Variants in MACROD2 observed in about 807,000 individuals in gnomAD.
MACROD2 encodes ADP-ribose glycohydrolase MACROD2.
MACROD2 carries 36 observed loss-of-function variants against 70.4 expected under a neutral mutation model. The ratio of observed to expected loss-of-function variants is 0.51; its 90% CI spans 0.39 to 0.68. The LOEUF is 0.68. Ranked by LOEUF, MACROD2 falls within the 30% of genes least tolerant of loss-of-function variation. The probability of loss-of-function intolerance (pLI) is 0.00; values close to 1 mark genes in which losing one functional copy is unlikely to be tolerated. For synonymous variants in MACROD2, 172 were observed against 178.8 expected (o/e 0.96, Z 0.30); for missense variants, 496 against 538.4 (o/e 0.92, Z 0.78).
At chr20:15,602,142 C>T (rs1167715492) in intron 8 of MACROD2, among the ~76,000 whole-genome samples, 1 of 152,138 alleles carries the variant, frequency 6.6e-6, no homozygotes, top group Non-Finnish European at 1.5e-5. Flanking sequence ...AATGTAGACC[C>T]CAACCTCCTG....
At chr20:15,774,777 A>G (rs2051693766) in intron 8 of MACROD2, among the ~76,000 whole-genome samples, 1 of 151,816 alleles carries the variant, frequency 6.6e-6, no homozygotes, top group Admixed American at 6.6e-5. Context: ...TGACAGCAGT[A>G]GTATTTCCCC....
chr20:15,604,485 G>A (rs904379110), intron 8 of MACROD2, among the ~76,000 whole-genome samples: 3 of 152,352 alleles, frequency 2.0e-5, no homozygotes, highest in Admixed American at 6.5e-5. Context: ...GATTTGAGAA[G>A]CACAGAGCTC....
chr20:14,420,913 G>A (rs1372885673), intron 3 of MACROD2, among the ~76,000 whole-genome samples: 2 of 152,026 alleles, frequency 1.3e-5, no homozygotes, highest in East Asian at 1.9e-4. Flanking sequence ...GGCTGGTCTC[G>A]AGCTCCTGGG....
At chr20:14,945,869 C>G (rs1258453900) in intron 5 of MACROD2, among the ~76,000 whole-genome samples, 1 of 152,080 alleles carries the variant, frequency 6.6e-6, no homozygotes, top group Non-Finnish European at 1.5e-5. Flanking sequence ...GTTATTGATA[C>G]TCTAATTATT....
At chr20:15,576,311 G>A (rs989816479) in intron 8 of MACROD2, among the ~76,000 whole-genome samples, 1 of 152,030 alleles carries the variant, frequency 6.6e-6, no homozygotes, top group Non-Finnish European at 1.5e-5. Context: ...GGCAACTCCT[G>A]ATGGAGCTTT....
rs1361910831 is a variant in MACROD2, at chr20:15,743,243, A to G, written c.646-119502A>G. ...AGAATAGAATCCCCACGAGGATCTC[A>G]GATAACATCAGCCTTACCCATGTGT... On this transcript the variant is annotated intron_variant, in intron 8 of 17. Coordinates refer to ENST00000684519, the MANE Select transcript of MACROD2 (RefSeq NM_001351661.2). Among the ~76,000 whole-genome samples the G allele has an allele frequency of 2.0e-5, 3 of 152,174 alleles. No individual in the cohort carries two copies. The East Asian group carries it at 5.8e-4, about 29-fold the overall frequency.
At chr20:14,866,225 C>T (rs2073426281) in intron 5 of MACROD2, among the ~76,000 whole-genome samples, 1 of 152,238 alleles carries the variant, frequency 6.6e-6, no homozygotes, top group East Asian at 1.9e-4. Flanking sequence ...ACAAGGTGAA[C>T]TTAACTGGAT....
intron 5 of MACROD2, among the ~76,000 whole-genome samples, chr20:14,949,495 A>G (rs564164150): frequency 6.6e-6 from 1 of 152,274 alleles, no homozygotes; most frequent in African/African-American, 2.4e-5. Context: ...GATTTGATGG[A>G]TTTTCAGACA....
intron 10 of MACROD2, among the ~76,000 whole-genome samples, chr20:15,918,497 G>GTA: frequency 1.3e-5 from 2 of 151,980 alleles, no homozygotes; most frequent in South Asian, 4.1e-4. Flanking sequence ...ATTATTTGGG[G>GTA]GTTTTCATAA....
intron 15 of MACROD2, among the ~76,000 whole-genome samples, chr20:15,995,378 C>G (rs1245773919): frequency 6.7e-6 from 1 of 149,822 alleles, no homozygotes; most frequent in Non-Finnish European, 1.5e-5. Context: ...GAGATGGAGT[C>G]TCGCTCTGTC....
At chr20:15,507,404 T>C (rs116571912) in intron 8 of MACROD2, among the ~76,000 whole-genome samples, 76 of 111,844 alleles carry the variant, frequency 6.8e-4, no homozygotes, top group African/African-American at 6.5e-4. Context: ...TCCTTCCTTC[T>C]TTCTTTCTCT....
Position 14,559,520 on chromosome 20 carries a change from G to A in MACROD2, c.301+66012G>A, listed in dbSNP as rs1979285931. On this transcript the variant is annotated intron_variant, in intron 4 of 17. Transcript: ENST00000684519. ...TTATATACTCGAATTCCTATTACTCGATGCTTCAAGCATTATCTTTTAACC... is the reference window on the plus strand; with the variant it reads ...TTATATACTCGAATTCCTATTACTCAATGCTTCAAGCATTATCTTTTAACC... Among the ~76,000 whole-genome samples, 4 of 151,504 alleles carry A rather than the reference G, an allele frequency of 2.6e-5. No homozygotes were observed. In the South Asian group the frequency reaches 8.3e-4, roughly 32 times the overall value.
chr20:14,147,658 G>C (rs2054959299), intron 3 of MACROD2, among the ~76,000 whole-genome samples: 1 of 152,100 alleles, frequency 6.6e-6, no homozygotes, highest in Non-Finnish European at 1.5e-5. Flanking sequence ...AGTAAATTTA[G>C]ATAGAAAAGC....
intron 10 of MACROD2, among the ~76,000 whole-genome samples, chr20:15,897,218 G>A (rs2064986263): frequency 6.6e-6 from 1 of 152,018 alleles, no homozygotes; most frequent in African/African-American, 2.4e-5. Context: ...GAGATTGATG[G>A]TTATTTTCTT....
chr20:14,139,946 T>C (rs1446548987), intron 3 of MACROD2, among the ~76,000 whole-genome samples: 1 of 152,202 alleles, frequency 6.6e-6, no homozygotes, highest in East Asian at 1.9e-4. Context: ...AGGCTTTGTT[T>C]ATAAGGTATA....
chr20:15,947,621 T>C (rs1265626230), intron 12 of MACROD2, among the ~76,000 whole-genome samples: 2 of 152,086 alleles, frequency 1.3e-5, no homozygotes, highest in African/African-American at 4.8e-5. Flanking sequence ...CCTTTCTACA[T>C]AGACACAGTA....
intron 13 of MACROD2, among the ~76,000 whole-genome samples, chr20:15,970,963 A>C (rs994262717): frequency 7.2e-5 from 11 of 152,212 alleles, no homozygotes; most frequent in African/African-American, 2.7e-4. Flanking sequence ...AAGGATCAGA[A>C]TATTTCTGAG....
At chr20:15,012,739 C>T (rs1035546140) in intron 5 of MACROD2, among the ~76,000 whole-genome samples, 6 of 152,028 alleles carry the variant, frequency 3.9e-5, no homozygotes, top group African/African-American at 7.3e-5. Context: ...CCCCATTTCC[C>T]GGTCTCCGGT....
chr20:14,564,657 A>T (rs906867191), intron 4 of MACROD2, among the ~76,000 whole-genome samples: 8 of 152,144 alleles, frequency 5.3e-5, no homozygotes, highest in African/African-American at 1.9e-4. Flanking sequence ...ATTTCACAAC[A>T]GTCAGAATAG....
Sources: allele counts gnomAD v4.1 joint callset (sites outside exome capture counted in the v4.1 genomes callset), GRCh38; gene constraint gnomAD v4.1.1; transcripts MANE v1.5; gene names NCBI Gene and HGNC (gene_info 2026-07-23, HGNC 2026-07-21).